SLC38A3: variants seen among roughly 807,000 people sequenced by gnomAD.
SLC38A3 encodes the protein solute carrier family 38 member 3, also known as sodium-coupled neutral amino acid transporter 3.
SLC38A3 carries 17 observed loss-of-function variants against 59.5 expected under a neutral mutation model. The observed-to-expected ratio is 0.29, with a 90% CI of 0.20 to 0.43. SLC38A3 has a LOEUF of 0.43. Among genes scored for constraint, SLC38A3 ranks in the 20% least tolerant of loss-of-function variants. SLC38A3 has a pLI of 1.00. For missense variants in SLC38A3, 454 were observed against 653.9 expected, an observed-to-expected ratio of 0.69 and a Z score of 3.33; for synonymous variants, 238 against 260.3, an observed-to-expected ratio of 0.91 and a Z score of 0.82.
At chr3:50,211,180 A>T (rs1422115418) in intron 1 of SLC38A3, among the ~76,000 whole-genome samples, 3 of 152,128 alleles carry the variant, frequency 2.0e-5, no homozygotes, top group Admixed American at 6.5e-5. Context: ...CCCGATTCCG[A>T]TTCCCGGATA....
In SLC38A3 at chr3:50,219,949, GAGA is replaced by G. The variant is rs1300195897; in HGVS notation, c.1378_1380del (p.Lys460del). 1 of 1,613,298 alleles carries G rather than the reference GAGA, an allele frequency of 6.2e-7. No individual in the cohort carries two copies. Among genetic ancestry groups the G allele is most frequent in the Admixed American group, 1.7e-5 (1 of 59,930 alleles). On this transcript the variant is annotated inframe_deletion, in exon 15 of 16. Transcript: ENST00000614032. ...CTTCTACTTCCGAATCATGCCCACG[GAGA>G]AGGAGCCTGCAAGATCCACCCCCAA... is the stretch of plus-strand genomic sequence containing the variant.
At position 50,218,341 on chromosome 3, in the gene SLC38A3, C is replaced by T. The variant is rs371600490; in HGVS notation, c.1007C>T (p.Ala336Val). 1 of 1,613,044 alleles carries T rather than the reference C, an allele frequency of 6.2e-7. No individual in the cohort carries two copies. Among genetic ancestry groups the T allele is most frequent in the Non-Finnish European group, 8.5e-7 (1 of 1,178,992 alleles). The change falls in exon 12 of 16, where the codon GCT becomes GTT. Residue 336 changes from alanine to valine, a missense_variant. By Grantham distance (64) the Ala-to-Val change is moderately conservative (BLOSUM62 0). Coordinates refer to ENST00000614032, the MANE Select transcript of SLC38A3 (RefSeq NM_006841.6). This position sits in a 1 kb window ranked among gnomAD's most constrained non-coding sequence, Gnocchi z 5.8. ...IAVMYIMYFLAALFGYLTFYN... is the reference protein window; with the variant it reads ...IAVMYIMYFLVALFGYLTFYN... ...GTCATGTACATCATGTACTTCCTGG[C>T]TGCCCTCTTCGGCTACCTCACCTTC...
chr3:50,211,136 C>A (rs971356103), intron 1 of SLC38A3, among the ~76,000 whole-genome samples: 5 of 152,216 alleles, frequency 3.3e-5, no homozygotes, highest in Non-Finnish European at 7.3e-5. Context: ...CTGCTGGCAG[C>A]CTTTCTTATG....
chr3:50,214,362 G>C lies in SLC38A3; in HGVS notation c.102-40G>C. On this transcript the variant is annotated intron_variant, in intron 2 of 15. Transcript: ENST00000614032. The surrounding 1 kb of genome is among the most constrained non-coding windows in gnomAD (Gnocchi z 6.0). ...GGGCAGGGCAGGGATACAGAGCAAAGGGCTGGAGCTGAGCCACCCACCCTG... is the reference window on the plus strand; with the variant it reads ...GGGCAGGGCAGGGATACAGAGCAAACGGCTGGAGCTGAGCCACCCACCCTG... 6.2e-7 allele frequency: 1 copy of C among 1,605,142 alleles called. No individual in the cohort carries two copies. Among genetic ancestry groups the C allele is most frequent in the Non-Finnish European group, 8.5e-7 (1 of 1,175,100 alleles).
rs1390351003 is a variant in SLC38A3, at chr3:50,217,899, A to G, written c.856-18A>G. The stretch of plus-strand genomic sequence containing the variant: ...TGAGAGTGGCAGACTGCCTTGACAC[A>G]GCCCCGTGTTTCCCCAGACAGCATA... On this transcript the variant is annotated intron_variant, in intron 10 of 15. Coordinates refer to ENST00000614032, the MANE Select transcript of SLC38A3 (RefSeq NM_006841.6). This position sits in a 1 kb window ranked among gnomAD's most constrained non-coding sequence, Gnocchi z 4.9. The G allele has an allele frequency of 6.2e-7, 1 of 1,614,032 alleles. No homozygotes were observed. The highest frequency in any genetic ancestry group is 1.1e-5 in the South Asian group (1 of 91,088).
At position 50,214,977 on chromosome 3, in the gene SLC38A3, C is replaced by G. The variant is rs1225682783; in HGVS notation, c.299+209C>G. On this transcript the variant is annotated intron_variant, in intron 4 of 15. Coordinates refer to ENST00000614032, the MANE Select transcript of SLC38A3 (RefSeq NM_006841.6). This position sits in a 1 kb window ranked among gnomAD's most constrained non-coding sequence, Gnocchi z 6.0. ...AAACCGACTGAGGTCACAACACAGGCCGGTCTTACAGGCCAGAGACTGTCC... is the reference window on the plus strand; with the variant it reads ...AAACCGACTGAGGTCACAACACAGGGCGGTCTTACAGGCCAGAGACTGTCC... The G allele has an allele frequency of 3.3e-6, 2 of 602,286 alleles. No homozygotes were observed. Among genetic ancestry groups the G allele is most frequent in the Non-Finnish European group, 2.9e-6 (1 of 340,558 alleles). 37.3% of individuals were successfully genotyped at this position (602,286 alleles called of 1,614,324 possible). A position where few individuals can be genotyped will look rare whatever the true frequency, so the allele number is the denominator to read the frequency against.
chr3:50,214,626 C>T lies in SLC38A3; in HGVS notation c.184-27C>T. On this transcript the variant is annotated intron_variant, in intron 3 of 15. Transcript: ENST00000614032. The surrounding 1 kb of genome is among the most constrained non-coding windows in gnomAD (Gnocchi z 6.0). The stretch of plus-strand genomic sequence containing the variant: ...CTGTCCCTTGCTGACTCCTCCCACC[C>T]TCCCCGTCCCATTCTGGTGCCTGCA... The T allele has an allele frequency of 6.5e-7, 1 of 1,539,426 alleles. No homozygotes were observed. The highest frequency in any genetic ancestry group is 8.9e-7 in the Non-Finnish European group (1 of 1,119,544).
intron 1 of SLC38A3, among the ~76,000 whole-genome samples, chr3:50,211,786 C>T (rs1016446422): frequency 2.6e-5 from 4 of 152,026 alleles, no homozygotes; most frequent in Non-Finnish European, 2.9e-5. Flanking sequence ...GGGGTTTTTC[C>T]ATGTTGGTCA....
At position 50,220,476 on chromosome 3, in the gene SLC38A3, A is replaced by G. The variant is rs929598218; in HGVS notation, c.*299A>G. The G allele has an allele frequency of 7.5e-5, 29 of 384,302 alleles. No homozygotes were observed. The highest frequency in any genetic ancestry group is 7.6e-4 in the Middle Eastern group (1 of 1,310). 23.8% of individuals were successfully genotyped at this position (384,302 alleles called of 1,614,324 possible). A position where few individuals can be genotyped will look rare whatever the true frequency, so the allele number is the denominator to read the frequency against. ...ATTCCCTCCTTGCACAGATGCATAC[A>G]CTGGGGCCCAGCAGCTGCCTCCTGA... On this transcript the variant is annotated 3_prime_UTR_variant, in exon 16 of 16. Coordinates refer to ENST00000614032, the MANE Select transcript of SLC38A3 (RefSeq NM_006841.6).
At position 50,218,672 on chromosome 3, in the gene SLC38A3, C is replaced by T. The variant is rs776407403; in HGVS notation, c.1116C>T (p.Ala372=). The change falls in exon 13 of 16, where the codon GCC becomes GCT. Residue 372 remains alanine (A), a synonymous_variant. Transcript: ENST00000614032. This position sits in a 1 kb window ranked among gnomAD's most constrained non-coding sequence, Gnocchi z 5.8. Reference sequence around the variant, plus strand: ...TCCTGATCCTGTGTGTGCGCGTGGCCGTGCTGACAGCAGTCACGCTCACAG... The same window carrying T: ...TCCTGATCCTGTGTGTGCGCGTGGCTGTGCTGACAGCAGTCACGCTCACAG... The part of the protein sequence containing the change: ...FDVLILCVRV[A]VLTAVTLTVP... 8.7e-6 allele frequency: 14 copies of T among 1,613,284 alleles called. No homozygotes were observed. The highest frequency in any genetic ancestry group is 1.6e-4 in the Middle Eastern group (1 of 6,082).
At chr3:50,208,514 C>A (rs539652122) in intron 1 of SLC38A3, among the ~76,000 whole-genome samples, 2 of 152,142 alleles carry the variant, frequency 1.3e-5, no homozygotes, top group East Asian at 3.9e-4. Context: ...CTGCCCGCCT[C>A]GGCCTCCCAA....
Position 50,217,658 on chromosome 3 carries a change from C to T in SLC38A3, c.691-18C>T. 6.2e-7 allele frequency: 1 copy of T among 1,613,132 alleles called. No homozygotes were observed. The highest frequency in any genetic ancestry group is 8.5e-7 in the Non-Finnish European group (1 of 1,179,510). ...CCAGCCTGGGAGTCTCTGACACCCT[C>T]ATCCCTCCCCACTCCAGGTCATCTA... On this transcript the variant is annotated intron_variant, in intron 9 of 15. Transcript: ENST00000614032. This position sits in a 1 kb window ranked among gnomAD's most constrained non-coding sequence, Gnocchi z 4.9.
In SLC38A3 at chr3:50,218,923, C is replaced by T. The variant is rs1699862255; in HGVS notation, c.1281C>T (p.Asn427=). The part of the protein sequence containing the change: ...CINLLVIFAP[N]ILGIFGVIGA... The stretch of plus-strand genomic sequence containing the variant: ...ACCTGCTGGTCATCTTTGCCCCCAA[C>T]ATCCTGGGCATCTTTGGGGTCATCG... Residue 427 remains asparagine (N), a synonymous_variant, in exon 14 of 16, where the codon AAC becomes AAT. Transcript: ENST00000614032. This position sits in a 1 kb window ranked among gnomAD's most constrained non-coding sequence, Gnocchi z 5.8. 8 of 1,612,270 alleles carry T rather than the reference C, an allele frequency of 5.0e-6. No homozygotes were observed. Among genetic ancestry groups the T allele is most frequent in the Middle Eastern group, 1.6e-4 (1 of 6,080 alleles).
Position 50,218,359 on chromosome 3 carries a change from T to C in SLC38A3, c.1025T>C (p.Leu342Pro). ...MYFLAALFGY[L>P]TFYNGVESEL... ...TTCCTGGCTGCCCTCTTCGGCTACC[T>C]CACCTTCTACAGTACGGTGGCACCG... The change falls in exon 12 of 16, where the codon CTC (leucine) becomes CCC (proline). Residue 342 changes from leucine (L) to proline (P), a missense_variant. By Grantham distance (98) the Leu-to-Pro change is moderately conservative (BLOSUM62 -3). Coordinates refer to ENST00000614032, the MANE Select transcript of SLC38A3 (RefSeq NM_006841.6). This position sits in a 1 kb window ranked among gnomAD's most constrained non-coding sequence, Gnocchi z 5.8. The C allele has an allele frequency of 6.2e-7, 1 of 1,609,534 alleles. No homozygotes were observed. The highest frequency in any genetic ancestry group is 8.5e-7 in the Non-Finnish European group (1 of 1,175,842).
rs1467612670 is a variant in SLC38A3 at position 50,220,638 on chromosome 3, GC to G, written c.*464del. 5.1e-6 allele frequency: 1 copy of G among 196,162 alleles called. No homozygotes were observed. The highest frequency in any genetic ancestry group is 1.1e-5 in the Non-Finnish European group (1 of 93,602). The allele number at this position is 196,162 out of a possible 1,614,324, so 12.2% of individuals were successfully genotyped here. A position where few individuals can be genotyped will look rare whatever the true frequency, so the allele number is the denominator to read the frequency against. Reference sequence around the variant, plus strand: ...TGTTTTCCCCCCTTTTATTCCCTAGGCCCTTTTCAGACTCCTGGGCCCTTGG... The same window carrying G: ...TGTTTTCCCCCCTTTTATTCCCTAGGCCTTTTCAGACTCCTGGGCCCTTGG... On this transcript the variant is annotated 3_prime_UTR_variant, in exon 16 of 16. Coordinates refer to ENST00000614032, the MANE Select transcript of SLC38A3 (RefSeq NM_006841.6).
chr3:50,215,808 G>A lies in SLC38A3; in HGVS notation c.535G>A (p.Glu179Lys), dbSNP rs755467464. ...PLVIQTFLNL[E>K]EKTSDWYMNG... ...TGTCATACAGACCTTCCTGAACCTG[G>A]AGGAGAAAACCTCGTGAGCCCTGGC... is the stretch of plus-strand genomic sequence containing the variant. Residue 179 changes from glutamate (E) to lysine (K), a missense_variant, in exon 7 of 16, where the codon GAG (glutamate) becomes AAG (lysine). Physicochemically the swap from Glu to Lys is moderately conservative, Grantham distance 56 (BLOSUM62 1). Coordinates refer to ENST00000614032, the MANE Select transcript of SLC38A3 (RefSeq NM_006841.6). This position sits in a 1 kb window ranked among gnomAD's most constrained non-coding sequence, Gnocchi z 7.1. 12 of 1,574,422 alleles carry A rather than the reference G, an allele frequency of 7.6e-6. No individual in the cohort carries two copies. Among genetic ancestry groups the A allele is most frequent in the African/African-American group, 6.8e-5 (5 of 73,416 alleles).
chr3:50,205,728 G>A (rs1379328530), intron 1 of SLC38A3, among the ~76,000 whole-genome samples: 1 of 152,242 alleles, frequency 6.6e-6, no homozygotes, highest in Non-Finnish European at 1.5e-5. Context: ...CATGGGGCAG[G>A]CTGGAGAGGG....
chr3:50,205,550 C>T (rs1699633791), intron 1 of SLC38A3, among the ~76,000 whole-genome samples: 1 of 152,264 alleles, frequency 6.6e-6, no homozygotes, highest in South Asian at 2.1e-4. Context: ...GACTCAGCGC[C>T]GAGCTTAAGC....
chr3:50,214,234 T>G lies in SLC38A3; in HGVS notation c.35T>G (p.Leu12Arg). 1 of 1,613,892 alleles carries G rather than the reference T, an allele frequency of 6.2e-7. No individual in the cohort carries two copies. Among genetic ancestry groups the G allele is most frequent in the South Asian group, 1.1e-5 (1 of 91,076 alleles). ...CCTTTGCAGACAGAGATGGTGGAGC[T>G]GGTGCCCAATGGCAAACACTCAGAG... ...EAPLQTEMVE[L>R]VPNGKHSEGL... is the part of the protein sequence containing the mutation. Residue 12 changes from leucine to arginine, a missense_variant, in exon 2 of 16, where the codon CTG (leucine) becomes CGG (arginine). By Grantham distance (102) the Leu-to-Arg change is moderately radical (BLOSUM62 -2). Around this residue, in one of 3 missense-constraint regions of SLC38A3, gnomAD observed 390 missense variants for 557.9 expected, o/e 0.70. Coordinates refer to ENST00000614032, the MANE Select transcript of SLC38A3 (RefSeq NM_006841.6). This position sits in a 1 kb window ranked among gnomAD's most constrained non-coding sequence, Gnocchi z 6.0.
Sources: gnomAD v4.1 joint callset for allele counts (sites outside exome capture counted in the v4.1 genomes callset) on GRCh38, gnomAD v4.1.1 for gene constraint, gnomAD v4.1.1 regional missense constraint, Gnocchi (gnomAD v3.1) non-coding constraint, MANE v1.5 for transcripts, NCBI Gene and HGNC (gene_info 2026-07-23, HGNC 2026-07-21) for gene names.